RNF144A: variants seen among roughly 807,000 people sequenced by gnomAD.
The protein encoded by RNF144A is E3 ubiquitin-protein ligase RNF144A.
RNF144A carries 11 observed loss-of-function variants against 38.7 expected under a neutral mutation model. The ratio of observed to expected loss-of-function variants is 0.28; its 90% CI spans 0.18 to 0.47. The LOEUF is 0.47. RNF144A is among the 20% of genes least tolerant of loss of function. RNF144A has a pLI of 0.99. For synonymous variants in RNF144A, 149 were observed against 143.9 expected (o/e 1.04, Z -0.25); for missense variants, 316 against 377.2 (o/e 0.84, Z 1.34).
At chr2:6,976,707 C>T (rs1384429897) in intron 2 of RNF144A, among the ~76,000 whole-genome samples, 1 of 150,474 alleles carries the variant, frequency 6.6e-6, no homozygotes, top group African/African-American at 2.4e-5. Flanking sequence ...CAAAGAAAAA[C>T]AGTTACTCCT....
intron 2 of RNF144A, among the ~76,000 whole-genome samples, chr2:6,980,461 AG>A (rs1462625346): frequency 6.6e-6 from 1 of 152,276 alleles, no homozygotes; most frequent in Non-Finnish European, 1.5e-5. Context: ...AGGGGGCCAG[AG>A]GCCCCATGCC....
In RNF144A at chr2:7,020,602, C is replaced by G. The variant is rs1313167398; in HGVS notation, c.431C>G (p.Ser144Cys). ...AAAGCCTGCCGTATGGAATTCTGCT[C>G]CACCTGCAAAGCCAGCTGGCACCCT... Reference protein sequence around the residue: ...QCKACRMEFCSTCKASWHPGQ... With the variant: ...QCKACRMEFCCTCKASWHPGQ... Residue 144 changes from serine to cysteine, a missense_variant, in exon 6 of 9, where the codon TCC becomes TGC. Coordinates refer to ENST00000320892, the MANE Select transcript of RNF144A (RefSeq NM_014746.6). The G allele has an allele frequency of 1.9e-6, 3 of 1,611,478 alleles. No individual in the cohort carries two copies. The highest frequency in any genetic ancestry group is 2.5e-6 in the Non-Finnish European group (3 of 1,180,012).
Position 7,040,673 on chromosome 2 carries a change from T to C in RNF144A, c.*913T>C. 1.0e-6 allele frequency: 1 copy of C among 985,502 alleles called. No individual in the cohort carries two copies. 61.0% of individuals were successfully genotyped at this position (985,502 alleles called of 1,614,324 possible). A position where few individuals can be genotyped will look rare whatever the true frequency, so the allele number is the denominator to read the frequency against. On this transcript the variant is annotated 3_prime_UTR_variant, in exon 9 of 9. Coordinates refer to ENST00000320892, the MANE Select transcript of RNF144A (RefSeq NM_014746.6). The stretch of plus-strand genomic sequence containing the variant: ...CTCCGAATTGCTGCCGTCTGGCCTC[T>C]GGCCTCAGTCTTCAGATAGACAGTA...
At chr2:7,050,452 G>C (rs978706825) in intron 6 of RNF144A, among the ~76,000 whole-genome samples, 1 of 152,126 alleles carries the variant, frequency 6.6e-6, no homozygotes, top group African/African-American at 2.4e-5. Context: ...TCAGCCTTGG[G>C]TATGTCTTTA....
In RNF144A at chr2:7,042,186, G is replaced by C. The variant is rs1220294974; in HGVS notation, c.*2426G>C. The stretch of plus-strand genomic sequence containing the variant: ...GATACATAAACTCGCATTTCCTTCT[G>C]TTTTAGTAAGGAGTGCCAGACTTAT... On this transcript the variant is annotated 3_prime_UTR_variant, in exon 9 of 9. Coordinates refer to ENST00000320892, the MANE Select transcript of RNF144A (RefSeq NM_014746.6). The C allele has an allele frequency of 3.0e-6, 3 of 985,212 alleles. No homozygotes were observed. Among genetic ancestry groups the C allele is most frequent in the African/African-American group, 1.7e-5 (1 of 57,234 alleles). 61.0% of individuals were successfully genotyped at this position (985,212 alleles called of 1,614,324 possible).
chr2:6,935,162 CG>C (rs1486239715), intron 1 of RNF144A, among the ~76,000 whole-genome samples: 1 of 152,196 alleles, frequency 6.6e-6, no homozygotes, highest in Non-Finnish European at 1.5e-5. Flanking sequence ...CATTCATAGA[CG>C]AGTTTAGCAA....
intron 2 of RNF144A, among the ~76,000 whole-genome samples, chr2:6,952,165 A>G (rs1237026640): frequency 6.6e-6 from 1 of 152,156 alleles, no homozygotes. Context: ...TAAGAGGACC[A>G]TATGGTTCTC....
rs1672986798 is a variant in RNF144A at position 7,040,616 on chromosome 2, C to T, written c.*856C>T. ...AGCAGAAAACGCTTTTTATTGTATT[C>T]AATCCCACTGCTTTGCTCGGCAATG... On this transcript the variant is annotated 3_prime_UTR_variant, in exon 9 of 9. Transcript: ENST00000320892. The T allele has an allele frequency of 2.0e-6, 2 of 985,298 alleles. No homozygotes were observed. The highest frequency in any genetic ancestry group is 6.1e-5 in the Admixed American group (1 of 16,264). The allele number at this position is 985,298 out of a possible 1,614,324, so 61.0% of individuals were successfully genotyped here.
At chr2:6,950,018 A>G (rs1666579730) in intron 2 of RNF144A, among the ~76,000 whole-genome samples, 1 of 152,172 alleles carries the variant, frequency 6.6e-6, no homozygotes, top group Non-Finnish European at 1.5e-5. Flanking sequence ...CTTTTTAGTC[A>G]GAACAGGATT....
At chr2:6,924,249 T>C (rs13392756) in intron 1 of RNF144A, among the ~76,000 whole-genome samples, 73,849 of 152,098 alleles carry the variant, frequency 0.49, 18,250 homozygotes, top group East Asian at 0.71. Flanking sequence ...GTAGACACCA[T>C]GTAAGTGAGA....
intron 6 of RNF144A, among the ~76,000 whole-genome samples, chr2:7,058,830 G>GT (rs72010794): frequency 1.5e-4 from 22 of 151,264 alleles, no homozygotes; most frequent in African/African-American, 3.2e-4. Flanking sequence ...TTGTTAAACA[G>GT]TTTTTTTTTC....
intron 2 of RNF144A, among the ~76,000 whole-genome samples, chr2:6,968,004 T>C (rs1188888718): frequency 6.6e-6 from 1 of 152,150 alleles, no homozygotes; most frequent in African/African-American, 2.4e-5. Context: ...CTGCGTGTAA[T>C]GAGTTGTTGA....
Position 6,962,945 on chromosome 2 carries a change from AT to A in RNF144A, c.-12+21802del, listed in dbSNP as rs1667436348. On this transcript the variant is annotated intron_variant, in intron 2 of 8. Coordinates refer to ENST00000320892, the MANE Select transcript of RNF144A (RefSeq NM_014746.6). This position sits in a 1 kb window ranked among gnomAD's most constrained non-coding sequence, Gnocchi z 4.1. ...GGGAGATGACAAGATCATTTTGATA[AT>A]TTTAAAAGATGGATGAATAAGGGGA... Among the ~76,000 whole-genome samples, 1 of 152,204 alleles carries A rather than the reference AT, an allele frequency of 6.6e-6. No individual in the cohort carries two copies. Among genetic ancestry groups the A allele is most frequent in the African/African-American group, 2.4e-5 (1 of 41,462 alleles).
chr2:6,990,435 CAG>C (rs1669272162), intron 2 of RNF144A, among the ~76,000 whole-genome samples: 1 of 56,912 alleles, frequency 1.8e-5, no homozygotes. Context: ...CACACACACA[CAG>C]AGCTATATAT....
chr2:7,016,379 G>T (rs1045905309), intron 5 of RNF144A, among the ~76,000 whole-genome samples: 2 of 152,090 alleles, frequency 1.3e-5, no homozygotes, highest in African/African-American at 4.8e-5. Flanking sequence ...ACAGAAACTG[G>T]CTGTTGTTTG....
At chr2:6,945,221 G>T (rs888644875) in intron 2 of RNF144A, among the ~76,000 whole-genome samples, 3 of 152,200 alleles carry the variant, frequency 2.0e-5, no homozygotes, top group African/African-American at 4.8e-5. Context: ...CGAAAAGACC[G>T]ATACCTTGCT....
At chr2:6,940,794 T>C (rs1435684002) in intron 1 of RNF144A, among the ~76,000 whole-genome samples, 154 bp from the exon 2 acceptor site, 1 of 152,176 alleles carries the variant, frequency 6.6e-6, no homozygotes, top group Non-Finnish European at 1.5e-5. Flanking sequence ...AAACCTCAGT[T>C]TTTTCTCCAG....
At chr2:7,018,311 C>G (rs77468297) in intron 5 of RNF144A, among the ~76,000 whole-genome samples, 1 of 152,254 alleles carries the variant, frequency 6.6e-6, no homozygotes. Context: ...TTAGTGCACA[C>G]AGCACTTGCA....
At chr2:6,926,657 C>T (rs1251583472) in intron 1 of RNF144A, among the ~76,000 whole-genome samples, 1 of 152,342 alleles carries the variant, frequency 6.6e-6, no homozygotes, top group Middle Eastern at 3.4e-3. Context: ...CCCTCTAGCA[C>T]TCGGCACACA....
Sources: allele counts gnomAD v4.1 joint callset (sites outside exome capture counted in the v4.1 genomes callset), GRCh38; gene constraint gnomAD v4.1.1; non-coding constraint Gnocchi (gnomAD v3.1); transcripts MANE v1.5; gene names NCBI Gene and HGNC (gene_info 2026-07-23, HGNC 2026-07-21).